The following ARID1B variants were observed in gnomAD, a reference collection of about 807,000 sequenced individuals.
The protein encoded by ARID1B is AT-rich interaction domain 1B, also known as AT-rich interactive domain-containing protein 1B.
ARID1B carries 30 observed loss-of-function variants against 212.3 expected under a neutral mutation model. The ratio of observed to expected loss-of-function variants is 0.14; its 90% CI spans 0.11 to 0.19. The LOEUF (loss-of-function observed/expected upper bound fraction) is 0.19, where lower values mean the gene tolerates loss of function less well. ARID1B is among the 10% of genes least tolerant of loss of function. The probability of loss-of-function intolerance (pLI) is 1.00; values close to 1 mark genes in which losing one functional copy is unlikely to be tolerated. For missense variants in ARID1B, 2,891 were observed against 3,204.0 expected (o/e 0.90, Z 2.36); for synonymous variants, 1,402 against 1,301.7 (o/e 1.08, Z -1.66).
chr6:156,892,716 T>C (rs1253268486), intron 2 of ARID1B, among the ~76,000 whole-genome samples: 3 of 152,250 alleles, frequency 2.0e-5, no homozygotes, highest in Non-Finnish European at 2.9e-5. Flanking sequence ...ATCATTGTTA[T>C]GATTTCTGTC....
rs1343972333 is a variant in ARID1B at position 157,148,132 on chromosome 6, G to A, written c.2762-492G>A. ...AGGTTCCCGCGTGACACCTTCCTGT[G>A]GGGTTTTAAAGGATGATTTTGACCA... is the stretch of plus-strand genomic sequence containing the variant. On this transcript the variant is annotated intron_variant, in intron 7 of 19. Coordinates refer to ENST00000636930, the MANE Select transcript of ARID1B (RefSeq NM_001374828.1). This position sits in a 1 kb window ranked among gnomAD's most constrained non-coding sequence, Gnocchi z 5.6. Among the ~76,000 whole-genome samples, 1 of 151,952 alleles carries A rather than the reference G, an allele frequency of 6.6e-6. No homozygotes were observed. Among genetic ancestry groups the A allele is most frequent in the East Asian group, 1.9e-4 (1 of 5,156 alleles).
intron 4 of ARID1B, among the ~76,000 whole-genome samples, chr6:157,029,145 A>G (rs1780864858): frequency 6.6e-6 from 1 of 152,232 alleles, no homozygotes; most frequent in African/African-American, 2.4e-5. Flanking sequence ...GGCTAGAGAG[A>G]CAAATGCATC....
intron 8 of ARID1B, chr6:157,149,155 G>A (rs1583406189): frequency 1.7e-6 from 1 of 602,668 alleles, no homozygotes; most frequent in African/African-American, 1.8e-5. Flanking sequence ...TGATACATGA[G>A]GAAGGAATGT....
intron 4 of ARID1B, among the ~76,000 whole-genome samples, chr6:156,982,594 C>A (rs1777672963): frequency 6.6e-6 from 1 of 151,814 alleles, no homozygotes; most frequent in Non-Finnish European, 1.5e-5. Context: ...TTGATCTTTT[C>A]TTTCCTTCAC....
At chr6:157,155,418 G>T (rs1790511876) in intron 8 of ARID1B, among the ~76,000 whole-genome samples, 1 of 151,726 alleles carries the variant, frequency 6.6e-6, no homozygotes, top group South Asian at 2.1e-4. Context: ...CTGTCCCTGA[G>T]AGAGCCCTTC....
At position 157,203,777 on chromosome 6, in the gene ARID1B, C is replaced by T. The variant is rs1286764374; in HGVS notation, c.5264-89C>T. The T allele has an allele frequency of 2.7e-6, 4 of 1,483,136 alleles. No homozygotes were observed. The African/African-American group carries it at 4.2e-5, about 15-fold the overall frequency. 91.9% of individuals were successfully genotyped at this position (1,483,136 alleles called of 1,614,324 possible). On this transcript the variant is annotated intron_variant, in intron 18 of 19. Coordinates refer to ENST00000636930, the MANE Select transcript of ARID1B (RefSeq NM_001374828.1). The surrounding 1 kb of genome is among the most constrained non-coding windows in gnomAD (Gnocchi z 4.4). ...AAAGTCAATATTTAACTTAACACTC[C>T]ACTTATTTTTTCTTACTCTTTCGTT...
intron 4 of ARID1B, chr6:157,024,254 G>A (rs1482762767): frequency 6.6e-6 from 1 of 152,222 alleles, no homozygotes; most frequent in Non-Finnish European, 1.5e-5. Context: ...GCTGACCAAG[G>A]TTGTTTATAA....
At chr6:157,185,690 C>T (rs1420550011) in intron 13 of ARID1B, 1 of 152,188 alleles carries the variant, frequency 6.6e-6, no homozygotes, top group African/African-American at 2.4e-5. Context: ...GAAATGTTTA[C>T]ACATAGAAGC....
At chr6:156,945,110 T>TG (rs1228593725) in intron 4 of ARID1B, among the ~76,000 whole-genome samples, 6 of 149,472 alleles carry the variant, frequency 4.0e-5, no homozygotes, top group Non-Finnish European at 9.0e-5. Flanking sequence ...TATTTTTTTT[T>TG]TTTTTTAGTA....
intron 2 of ARID1B, among the ~76,000 whole-genome samples, chr6:156,853,094 G>A (rs926275618): frequency 6.6e-5 from 10 of 152,178 alleles, no homozygotes; most frequent in African/African-American, 1.2e-4. Context: ...ATGGTATAGG[G>A]TGGTACTTTA....
intron 4 of ARID1B, among the ~76,000 whole-genome samples, chr6:157,051,482 A>T (rs956884116): frequency 6.6e-6 from 1 of 152,214 alleles, no homozygotes; most frequent in African/African-American, 2.4e-5. Flanking sequence ...GCAAAAAAAA[A>T]ATGTTAAAGG....
chr6:157,026,205 G>A (rs765421615), intron 4 of ARID1B, among the ~76,000 whole-genome samples: 20 of 152,170 alleles, frequency 1.3e-4, no homozygotes, highest in Non-Finnish European at 2.4e-4. Flanking sequence ...GAGCCACTGC[G>A]CCAGGCCTAT....
chr6:156,964,597 T>C (rs923881071), intron 4 of ARID1B, among the ~76,000 whole-genome samples: 2 of 152,232 alleles, frequency 1.3e-5, no homozygotes, highest in African/African-American at 4.8e-5. Flanking sequence ...TAGAATGTTA[T>C]GTATGTGTAT....
chr6:156,959,489 G>T (rs1794207693), intron 4 of ARID1B, among the ~76,000 whole-genome samples: 1 of 152,134 alleles, frequency 6.6e-6, no homozygotes, highest in Non-Finnish European at 1.5e-5. Flanking sequence ...TGGGTAGGGA[G>T]GACCAACCGT....
Position 157,057,542 on chromosome 6 carries a change from G to A in ARID1B, c.2248-27120G>A, listed in dbSNP as rs566336177. The stretch of plus-strand genomic sequence containing the variant: ...AGGCCCAAACGATCCTCCCACCTCA[G>A]CCTCCCAAGTAGCTGGGATTGCAAG... On this transcript the variant is annotated intron_variant, in intron 4 of 19. Coordinates refer to ENST00000636930, the MANE Select transcript of ARID1B (RefSeq NM_001374828.1). 3.9e-5 allele frequency among the ~76,000 whole-genome samples: 6 copies of A among 152,192 alleles called. No homozygotes were observed. In the East Asian group the frequency reaches 1.2e-3, roughly 29 times the overall value.
intron 2 of ARID1B, among the ~76,000 whole-genome samples, chr6:156,877,802 C>T (rs756486275): frequency 1.3e-5 from 2 of 151,668 alleles, no homozygotes; most frequent in South Asian, 2.1e-4. Context: ...CTCTGCTGCT[C>T]GGGTTCAAGC....
chr6:156,824,491 G>A (rs561456028), intron 1 of ARID1B, among the ~76,000 whole-genome samples: 4 of 152,326 alleles, frequency 2.6e-5, no homozygotes, highest in African/African-American at 9.6e-5. Flanking sequence ...TTGGCCAGGC[G>A]CAGCGGCTCA....
chr6:157,120,678 G>T (rs1278259923), intron 6 of ARID1B, among the ~76,000 whole-genome samples: 2 of 152,158 alleles, frequency 1.3e-5, no homozygotes, highest in Non-Finnish European at 2.9e-5. Context: ...AGGTGGCGTG[G>T]TATGTAACCG....
intron 2 of ARID1B, among the ~76,000 whole-genome samples, chr6:156,858,187 T>G: frequency 1.3e-5 from 2 of 149,884 alleles, no homozygotes; most frequent in East Asian, 2.0e-4. Context: ...AGTGAACTCA[T>G]GGAGCTGGAT....
Sources: allele counts gnomAD v4.1 joint callset (sites outside exome capture counted in the v4.1 genomes callset), GRCh38; gene constraint gnomAD v4.1.1; non-coding constraint Gnocchi (gnomAD v3.1); transcripts MANE v1.5; gene names NCBI Gene and HGNC (gene_info 2026-07-23, HGNC 2026-07-21).